Variants in PHYHIPL observed in about 807,000 individuals in gnomAD.
PHYHIPL encodes phytanoyl-CoA hydroxylase-interacting protein-like.
PHYHIPL carries 9 observed loss-of-function variants against 33.4 expected under a neutral mutation model. That is an observed-to-expected ratio of 0.27 (90% CI 0.16 to 0.47). PHYHIPL has a LOEUF of 0.47. PHYHIPL is among the 20% of genes least tolerant of loss of function. The probability of loss-of-function intolerance (pLI) is 0.99; values close to 1 mark genes in which losing one functional copy is unlikely to be tolerated. For synonymous variants in PHYHIPL, 153 were observed against 154.1 expected, an observed-to-expected ratio of 0.99 and a Z score of 0.05; for missense variants, 365 against 460.7, an observed-to-expected ratio of 0.79 and a Z score of 1.90.
At chr10:59,237,216 C>T (rs944472465) in intron 3 of PHYHIPL, among the ~76,000 whole-genome samples, 2 of 151,812 alleles carry the variant, frequency 1.3e-5, no homozygotes, top group African/African-American at 4.8e-5. Context: ...TCGAAAGTAC[C>T]TCAAAGCCAT....
intron 1 of PHYHIPL, among the ~76,000 whole-genome samples, chr10:59,215,656 G>A (rs745317104): frequency 6.6e-6 from 1 of 151,912 alleles, no homozygotes; most frequent in Non-Finnish European, 1.5e-5. Flanking sequence ...TGCTGTAAAT[G>A]AAATAAATAA....
At chr10:59,183,304 A>G (rs1174369102) in intron 1 of PHYHIPL, among the ~76,000 whole-genome samples, 3 of 152,188 alleles carry the variant, frequency 2.0e-5, no homozygotes, top group South Asian at 2.1e-4. Flanking sequence ...CTAAGGAGAC[A>G]TTTTTGAGAG....
intron 1 of PHYHIPL, among the ~76,000 whole-genome samples, chr10:59,191,758 T>G (rs1838789401): frequency 6.6e-6 from 1 of 151,998 alleles, no homozygotes; most frequent in African/African-American, 2.4e-5. Context: ...ATATCTTGAG[T>G]CAAATAAGTA....
chr10:59,244,081 T>C (rs530375732), intron 4 of PHYHIPL, among the ~76,000 whole-genome samples: 2 of 152,262 alleles, frequency 1.3e-5, no homozygotes, highest in East Asian at 3.9e-4. Context: ...CTATATATGC[T>C]GGTGCCTCAC....
chr10:59,175,290 C>A (rs1838230314), upstream of PHYHIPL, among the ~76,000 whole-genome samples: 2 of 152,188 alleles, frequency 1.3e-5, no homozygotes, highest in African/African-American at 4.8e-5. Flanking sequence ...AATTATCTTT[C>A]ACAGATATTT....
At chr10:59,180,326 A>ATATATATATATAGAAAAAG (rs1838377780) in intron 1 of PHYHIPL, among the ~76,000 whole-genome samples, 8 of 45,334 alleles carry the variant, frequency 1.8e-4, no homozygotes, top group African/African-American at 3.5e-4. Context: ...ATATATATAT[A>ATATATATATATAGAAAAAG]TATATATATA....
intron 1 of PHYHIPL, among the ~76,000 whole-genome samples, chr10:59,230,701 G>A (rs950602154): frequency 6.6e-6 from 1 of 152,126 alleles, no homozygotes; most frequent in Non-Finnish European, 1.5e-5. Context: ...AGGTCCTGAC[G>A]ACATGTGCCC....
chr10:59,208,830 A>C (rs7911118), intron 1 of PHYHIPL, among the ~76,000 whole-genome samples: 25 of 152,214 alleles, frequency 1.6e-4, no homozygotes, highest in African/African-American at 6.0e-4. Context: ...GATATCAGAG[A>C]TTGAAGATCA....
Position 59,196,756 on chromosome 10 carries a change from GA to G in PHYHIPL, c.106+19803del, listed in dbSNP as rs1412158135. On this transcript the variant is annotated intron_variant, in intron 1 of 4. Transcript: ENST00000373880. Reference sequence around the variant, plus strand: ...CATTTTTTATGCAGGGGTATGAGATGAAAAAAGTTTTAAGAATAGATTTGTA... The same window carrying G: ...CATTTTTTATGCAGGGGTATGAGATGAAAAAGTTTTAAGAATAGATTTGTA... 2.0e-5 allele frequency among the ~76,000 whole-genome samples: 3 copies of G among 152,072 alleles called. No homozygotes were observed. The East Asian group carries it at 5.8e-4, about 29-fold the overall frequency.
chr10:59,213,974 C>G (rs1473930180), intron 1 of PHYHIPL, among the ~76,000 whole-genome samples: 8 of 152,084 alleles, frequency 5.3e-5, no homozygotes, highest in Non-Finnish European at 1.0e-4. Flanking sequence ...GAAACTCCTT[C>G]TATGCCTCTG....
intron 1 of PHYHIPL, among the ~76,000 whole-genome samples, chr10:59,208,489 A>G (rs1178417298): frequency 6.6e-6 from 1 of 152,178 alleles, no homozygotes; most frequent in African/African-American, 2.4e-5. Context: ...AAAAAGGCTG[A>G]AAGTTCCAAA....
intron 4 of PHYHIPL, among the ~76,000 whole-genome samples, chr10:59,240,421 GC>G (rs532827601): frequency 6.6e-6 from 1 of 151,828 alleles, no homozygotes; most frequent in South Asian, 2.1e-4. Flanking sequence ...TCATAGCTTA[GC>G]CTAGCCTCCT....
chr10:59,243,598 G>C (rs1840493354), intron 4 of PHYHIPL, among the ~76,000 whole-genome samples: 1 of 152,124 alleles, frequency 6.6e-6, no homozygotes, highest in African/African-American at 2.4e-5. Flanking sequence ...TCAGGTGGTA[G>C]AATTCGAGAC....
At chr10:59,216,022 A>C (rs1410152081) in intron 1 of PHYHIPL, among the ~76,000 whole-genome samples, 1 of 152,036 alleles carries the variant, frequency 6.6e-6, no homozygotes, top group African/African-American at 2.4e-5. Context: ...AGATATTTTA[A>C]ATTTGAAATA....
At chr10:59,187,658 A>C (rs988446325) in intron 1 of PHYHIPL, among the ~76,000 whole-genome samples, 1 of 152,160 alleles carries the variant, frequency 6.6e-6, no homozygotes, top group African/African-American at 2.4e-5. Context: ...TTATTGGTCT[A>C]TTCAGAGATT....
At chr10:59,216,112 T>C (rs1350485685) in intron 1 of PHYHIPL, among the ~76,000 whole-genome samples, 5 of 152,062 alleles carry the variant, frequency 3.3e-5, no homozygotes, top group African/African-American at 1.2e-4. Context: ...GCAAAAAAGA[T>C]CATAGATTAC....
intron 4 of PHYHIPL, among the ~76,000 whole-genome samples, chr10:59,242,929 T>G (rs1366359855): frequency 6.6e-6 from 1 of 152,182 alleles, no homozygotes; most frequent in Non-Finnish European, 1.5e-5. Flanking sequence ...GCAGATCTAA[T>G]ATTCATGTTG....
chr10:59,205,701 G>A (rs192681793), intron 1 of PHYHIPL, among the ~76,000 whole-genome samples: 48 of 152,048 alleles, frequency 3.2e-4, no homozygotes, highest in Admixed American at 2.8e-3. Flanking sequence ...TATGTGGGCC[G>A]GAGTACACTG....
chr10:59,244,622 A>G (rs1469686922), intron 4 of PHYHIPL, among the ~76,000 whole-genome samples: 2 of 148,472 alleles, frequency 1.3e-5, no homozygotes, highest in Non-Finnish European at 3.0e-5. Context: ...TGCCAGTATA[A>G]ATGGACAGCA....
Sources: allele counts gnomAD v4.1 joint callset (sites outside exome capture counted in the v4.1 genomes callset), GRCh38; gene constraint gnomAD v4.1.1; transcripts MANE v1.5; gene names NCBI Gene and HGNC (gene_info 2026-07-23, HGNC 2026-07-21).